The following DLC1 variants were observed in gnomAD, a reference collection of about 807,000 sequenced individuals.
DLC1 encodes DLC1 Rho GTPase activating protein.
A neutral mutation model predicts 140.3 loss-of-function variants in DLC1; 54 were observed. The ratio of observed to expected loss-of-function variants is 0.38; its 90% CI spans 0.31 to 0.48. DLC1 has a LOEUF of 0.48. Ranked by LOEUF, DLC1 falls within the 20% of genes least tolerant of loss-of-function variation. The pLI is 0.96. For missense variants in DLC1, 2,536 were observed against 1,907.0 expected, an observed-to-expected ratio of 1.33 and a Z score of -6.14; for synonymous variants, 986 against 728.1, an observed-to-expected ratio of 1.35 and a Z score of -5.70.
At chr8:13,148,709 A>G (rs945138381) in intron 5 of DLC1, among the ~76,000 whole-genome samples, 19 of 152,096 alleles carry the variant, frequency 1.2e-4, no homozygotes, top group Non-Finnish European at 2.9e-5. Flanking sequence ...TAAAGTTCTT[A>G]GGCTCTATGC....
chr8:13,552,139 A>ATATATATATATATC (rs1260514268), intron 1 of DLC1, among the ~76,000 whole-genome samples: 3 of 132,638 alleles, frequency 2.3e-5, no homozygotes, highest in Non-Finnish European at 4.8e-5. Flanking sequence ...ATATATATAT[A>ATATATATATATATC]TATCTGTCTA....
At chr8:13,174,141 C>T (rs1271425519) in intron 5 of DLC1, among the ~76,000 whole-genome samples, 3 of 152,256 alleles carry the variant, frequency 2.0e-5, no homozygotes, top group East Asian at 1.9e-4. Context: ...CATTAATTGG[C>T]TTAGGATAAT....
At chr8:13,179,322 G>A (rs931403960) in intron 5 of DLC1, among the ~76,000 whole-genome samples, 1 of 152,066 alleles carries the variant, frequency 6.6e-6, no homozygotes, top group African/African-American at 2.4e-5. Context: ...GTAATGTTTT[G>A]TTTCTTGATG....
intron 4 of DLC1, among the ~76,000 whole-genome samples, chr8:13,328,344 C>T (rs548768440): frequency 6.6e-6 from 1 of 151,340 alleles, no homozygotes; most frequent in Admixed American, 6.6e-5. Flanking sequence ...GAGAAGTATT[C>T]ATGCCTCAGT....
chr8:13,448,369 C>CCT (rs1554522183), intron 2 of DLC1, among the ~76,000 whole-genome samples: 1 of 143,842 alleles, frequency 7.0e-6, no homozygotes, highest in African/African-American at 2.6e-5. Flanking sequence ...TCTTCTTCTT[C>CCT]TTTTTTTTTT....
At chr8:13,495,250 A>G (rs1484375107) in intron 2 of DLC1, among the ~76,000 whole-genome samples, 4 of 152,208 alleles carry the variant, frequency 2.6e-5, no homozygotes, top group Admixed American at 2.0e-4. Flanking sequence ...CTCTCTAATT[A>G]GTAACCCACT....
intron 1 of DLC1, among the ~76,000 whole-genome samples, chr8:13,553,228 G>GTATATA (rs59463537): frequency 1.1e-4 from 5 of 47,478 alleles, no homozygotes; most frequent in Non-Finnish European, 2.1e-4. Flanking sequence ...ATATATATAT[G>GTATATA]TATATATATA....
intron 5 of DLC1, among the ~76,000 whole-genome samples, chr8:13,233,009 T>A (rs1829118926): frequency 6.6e-6 from 1 of 152,090 alleles, no homozygotes; most frequent in African/African-American, 2.4e-5. Context: ...ATATTCACAT[T>A]TGTGGCTGGG....
chr8:13,370,961 C>T (rs1835699722), intron 4 of DLC1, among the ~76,000 whole-genome samples: 1 of 152,140 alleles, frequency 6.6e-6, no homozygotes, highest in Non-Finnish European at 1.5e-5. Flanking sequence ...TTTAATGGCT[C>T]TGATGTGGGT....
chr8:13,140,060 C>G (rs1037652498), intron 5 of DLC1, among the ~76,000 whole-genome samples: 1 of 152,108 alleles, frequency 6.6e-6, no homozygotes, highest in Non-Finnish European at 1.5e-5. Flanking sequence ...CTCTTTCTCC[C>G]CTTCCCCCAG....
chr8:13,412,958 C>A (rs1837854747), intron 2 of DLC1, among the ~76,000 whole-genome samples: 3 of 147,256 alleles, frequency 2.0e-5, no homozygotes, highest in African/African-American at 7.4e-5. Context: ...AAAAAAATGC[C>A]GGTTTGAATG....
At chr8:13,532,574 CTCTT>C (rs1361761540) in intron 1 of DLC1, among the ~76,000 whole-genome samples, 2 of 142,708 alleles carry the variant, frequency 1.4e-5, no homozygotes, top group Non-Finnish European at 3.2e-5. Flanking sequence ...CAGGCTCTCT[CTCTT>C]TCTCTCTCTC....
intron 5 of DLC1, among the ~76,000 whole-genome samples, chr8:13,141,655 G>A (rs1220507333): frequency 1.3e-5 from 2 of 152,070 alleles, no homozygotes; most frequent in Non-Finnish European, 2.9e-5. Flanking sequence ...CCCTTTCTTC[G>A]CTGCTAACTA....
upstream of DLC1, among the ~76,000 whole-genome samples, chr8:13,519,518 T>A (rs1802701802): frequency 6.6e-6 from 1 of 152,210 alleles, no homozygotes; most frequent in Non-Finnish European, 1.5e-5. Flanking sequence ...ATAAGCATCA[T>A]GCGCATGATT....
rs1477676248 is a variant in DLC1, at chr8:13,588,053, G to T, written c.-126+16484C>A. On this transcript the variant is annotated intron_variant, in intron 1 of 1. Coordinates refer to the DLC1 transcript ENST00000631382. ...CTTCAGCTTACACCAGAGGTTAAGA[G>T]CCCAGGTTTTAAAAGTCAGACAGTC... is the stretch of plus-strand genomic sequence containing the variant. Among the ~76,000 whole-genome samples the T allele has an allele frequency of 4.6e-5, 7 of 152,024 alleles. No individual in the cohort carries two copies. In the East Asian group the frequency reaches 1.3e-3, roughly 29 times the overall value.
At chr8:13,395,394 G>A (rs4831420) in intron 3 of DLC1, among the ~76,000 whole-genome samples, 57,957 of 151,994 alleles carry the variant, frequency 0.38, 12,026 homozygotes, top group Non-Finnish European at 0.46. Flanking sequence ...AGCTGGGATT[G>A]CGCGCATGAG....
intron 2 of DLC1, among the ~76,000 whole-genome samples, chr8:13,461,186 G>A (rs1799641103): frequency 6.6e-6 from 1 of 152,208 alleles, no homozygotes; most frequent in African/African-American, 2.4e-5. Context: ...CCCCAGCCTG[G>A]CGGACAGAGC....
chr8:13,459,559 G>T (rs117108552), intron 2 of DLC1, among the ~76,000 whole-genome samples: 3 of 152,018 alleles, frequency 2.0e-5, no homozygotes, highest in African/African-American at 7.3e-5. Context: ...TTGGAACTGC[G>T]CTGTGTTCCA....
At chr8:13,359,463 C>G (rs908876528) in intron 4 of DLC1, among the ~76,000 whole-genome samples, 8 of 152,126 alleles carry the variant, frequency 5.3e-5, no homozygotes, top group African/African-American at 1.9e-4. Flanking sequence ...ATAATATGCA[C>G]CTGCGGCTCT....
Sources: allele counts gnomAD v4.1 joint callset (sites outside exome capture counted in the v4.1 genomes callset), GRCh38; gene constraint gnomAD v4.1.1; transcripts MANE v1.5; gene names NCBI Gene and HGNC (gene_info 2026-07-23, HGNC 2026-07-21).